Variants in FAM124A observed in about 807,000 individuals in gnomAD.
The protein encoded by FAM124A is family with sequence similarity 124 member A.
FAM124A carries 23 observed loss-of-function variants against 24.5 expected under a neutral mutation model. That is an observed-to-expected ratio of 0.94 (90% CI 0.68 to 1.33). The LOEUF (loss-of-function observed/expected upper bound fraction) is 1.33, where lower values mean the gene tolerates loss of function less well. Ranked by LOEUF, FAM124A falls within the 40% of genes most tolerant of loss-of-function variation. FAM124A has a pLI of 0.00. For missense variants in FAM124A, 623 were observed against 722.8 expected, an observed-to-expected ratio of 0.86 and a Z score of 1.58; for synonymous variants, 287 against 314.7, an observed-to-expected ratio of 0.91 and a Z score of 0.93.
intron 3 of FAM124A, among the ~76,000 whole-genome samples, chr13:51,270,096 G>C (rs1465513523): frequency 6.6e-6 from 1 of 152,132 alleles, no homozygotes; most frequent in East Asian, 1.9e-4. Flanking sequence ...GTTCTGGCCT[G>C]TCTCTCTGAA....
chr13:51,264,084 A>G (rs1205699069), intron 3 of FAM124A, among the ~76,000 whole-genome samples: 3 of 152,262 alleles, frequency 2.0e-5, no homozygotes, highest in Middle Eastern at 3.2e-3. Flanking sequence ...GACAAAGTCA[A>G]GGGTGACTGA....
At chr13:51,270,239 C>T (rs953650505) in intron 3 of FAM124A, among the ~76,000 whole-genome samples, 6 of 152,154 alleles carry the variant, frequency 3.9e-5, no homozygotes, top group Admixed American at 6.5e-5. Context: ...TGACTACATA[C>T]GAGGTTGCTG....
rs564014271 is a variant in FAM124A, at chr13:51,242,919, A to G, written c.101-8549A>G. On this transcript the variant is annotated intron_variant, in intron 2 of 3. Coordinates refer to ENST00000322475, the MANE Select transcript of FAM124A (RefSeq NM_001242312.2). ...GCCACCCTTCTTATAAAAGCGTGAG[A>G]GGGCCTATAGACCAGAAAGATCCTT... 5.3e-5 allele frequency among the ~76,000 whole-genome samples: 8 copies of G among 152,306 alleles called. No homozygotes were observed. In the East Asian group the frequency reaches 1.5e-3, roughly 29 times the overall value.
chr13:51,266,628 C>T (rs1390348749), intron 3 of FAM124A, among the ~76,000 whole-genome samples: 1 of 152,154 alleles, frequency 6.6e-6, no homozygotes, highest in African/African-American at 2.4e-5. Flanking sequence ...GGGCAGGAAG[C>T]TTGAGTATTA....
chr13:51,247,035 T>C (rs1387879124), intron 2 of FAM124A, among the ~76,000 whole-genome samples: 2 of 152,246 alleles, frequency 1.3e-5, no homozygotes, highest in African/African-American at 2.4e-5. Context: ...CCTGGGCATG[T>C]GCCAACAGGG....
intron 3 of FAM124A, among the ~76,000 whole-genome samples, chr13:51,262,930 C>G (rs990147387): frequency 6.6e-6 from 1 of 152,266 alleles, no homozygotes; most frequent in Non-Finnish European, 1.5e-5. Context: ...TGACCAGCAT[C>G]GACTGGCCTC....
chr13:51,233,073 G>T (rs940747814), intron 2 of FAM124A, among the ~76,000 whole-genome samples: 4 of 151,958 alleles, frequency 2.6e-5, no homozygotes, highest in Non-Finnish European at 4.4e-5. Flanking sequence ...GTGTATATGT[G>T]TTTCAGTTAG....
intron 2 of FAM124A, among the ~76,000 whole-genome samples, chr13:51,234,793 G>A (rs1168169046): frequency 6.6e-6 from 1 of 152,188 alleles, no homozygotes; most frequent in Non-Finnish European, 1.5e-5. Context: ...TGTAAATTCT[G>A]AAGCAAGGGC....
intron 3 of FAM124A, among the ~76,000 whole-genome samples, chr13:51,265,644 A>T (rs1282562998): frequency 6.6e-6 from 1 of 152,182 alleles, no homozygotes; most frequent in Non-Finnish European, 1.5e-5. Flanking sequence ...GGTAAGGACT[A>T]TTAAGAATTA....
rs373318834 is a variant in FAM124A at position 51,269,677 on chromosome 13, ATTG to A, written c.835-10770_835-10768del. Among the ~76,000 whole-genome samples the A allele has an allele frequency of 2.0e-3, 309 of 152,368 alleles. 5 individuals are homozygous for A. In the South Asian group the frequency reaches 0.031, roughly 16 times the overall value. ...AAGCTACAAAGCCCTTTTAAAAATA[ATTG>A]TTAATTGTTAACATTTGCTAGACTT... is the stretch of plus-strand genomic sequence containing the variant. On this transcript the variant is annotated intron_variant, in intron 3 of 3. Transcript: ENST00000322475.
chr13:51,257,223 A>G (rs889924360), intron 3 of FAM124A, among the ~76,000 whole-genome samples: 17 of 152,196 alleles, frequency 1.1e-4, no homozygotes, highest in African/African-American at 3.9e-4. Context: ...TGGATTGTAC[A>G]GTAATTGTGT....
At chr13:51,248,031 A>C (rs1954581844) in intron 2 of FAM124A, among the ~76,000 whole-genome samples, 1 of 152,228 alleles carries the variant, frequency 6.6e-6, no homozygotes, top group African/African-American at 2.4e-5. Context: ...ATGGGGGCAC[A>C]CGCTTATCAG....
At chr13:51,234,194 T>A (rs1257085065) in intron 2 of FAM124A, among the ~76,000 whole-genome samples, 1 of 152,230 alleles carries the variant, frequency 6.6e-6, no homozygotes, top group African/African-American at 2.4e-5. Flanking sequence ...TACTCAACAT[T>A]CACGTGATGC....
At chr13:51,223,481 G>A (rs1325201619) in intron 1 of FAM124A, among the ~76,000 whole-genome samples, 1 of 152,146 alleles carries the variant, frequency 6.6e-6, no homozygotes, top group African/African-American at 2.4e-5. Context: ...GAGCTGCCTA[G>A]ACTACAGAAA....
In FAM124A at chr13:51,283,414, C is replaced by T. The variant is rs1382300259; in HGVS notation, c.*2158C>T. The stretch of plus-strand genomic sequence containing the variant: ...GGGTCATAGTTTATTATCCCTTGAG[C>T]TAGGCTGCTGCCTGAGGTTGATTCA... On this transcript the variant is annotated 3_prime_UTR_variant, in exon 4 of 4. Transcript: ENST00000322475. The T allele has an allele frequency of 6.6e-6, 1 of 152,156 alleles. No individual in the cohort carries two copies. 9.4% of individuals were successfully genotyped at this position (152,156 alleles called of 1,614,324 possible).
chr13:51,282,534 G>A lies in FAM124A; in HGVS notation c.*1278G>A, dbSNP rs1378866722. On this transcript the variant is annotated 3_prime_UTR_variant, in exon 4 of 4. Transcript: ENST00000322475. ...CAGCAATGCCAAAGGCTGGCATCGGGGGCAGTGCCAAGCTGTCCCTGGATA... is the reference window on the plus strand; with the variant it reads ...CAGCAATGCCAAAGGCTGGCATCGGAGGCAGTGCCAAGCTGTCCCTGGATA... 1.3e-5 allele frequency: 2 copies of A among 152,216 alleles called. No homozygotes were observed. The highest frequency in any genetic ancestry group is 2.9e-5 in the Non-Finnish European group (2 of 68,060). 9.4% of individuals were successfully genotyped at this position (152,216 alleles called of 1,614,324 possible).
At chr13:51,254,871 T>C (rs1471614365) in intron 3 of FAM124A, among the ~76,000 whole-genome samples, 1 of 152,196 alleles carries the variant, frequency 6.6e-6, no homozygotes, top group Non-Finnish European at 1.5e-5. Flanking sequence ...ATTATGTATA[T>C]ACCAAAAAGT....
chr13:51,249,023 C>T (rs1954593262), intron 2 of FAM124A, among the ~76,000 whole-genome samples: 1 of 152,200 alleles, frequency 6.6e-6, no homozygotes, highest in Admixed American at 6.5e-5. Flanking sequence ...GCTGAGGCCC[C>T]ATACAGCTTG....
intron 2 of FAM124A, among the ~76,000 whole-genome samples, chr13:51,238,482 C>T (rs2137658676): frequency 6.6e-6 from 1 of 152,320 alleles, no homozygotes; most frequent in Non-Finnish European, 1.5e-5. Context: ...GCTCTAGGAT[C>T]CACCTAATAT....
Sources: allele counts gnomAD v4.1 joint callset (sites outside exome capture counted in the v4.1 genomes callset), GRCh38; gene constraint gnomAD v4.1.1; transcripts MANE v1.5; gene names NCBI Gene and HGNC (gene_info 2026-07-23, HGNC 2026-07-21).